Variants in MAPK8IP3 observed in about 807,000 individuals in gnomAD.
MAPK8IP3 encodes mitogen-activated protein kinase 8 interacting protein 3.
Under a neutral mutation model 157.8 loss-of-function variants are expected in MAPK8IP3, and 49 were observed. The observed-to-expected ratio is 0.31, with a 90% CI of 0.25 to 0.39. The LOEUF is 0.39. Ranked by LOEUF, MAPK8IP3 falls within the 10% of genes least tolerant of loss-of-function variation. The pLI is 1.00. For synonymous variants in MAPK8IP3, 897 were observed against 777.7 expected (o/e 1.15, Z -2.55); for missense variants, 1,478 against 1,889.4 (o/e 0.78, Z 4.04).
intron 13 of MAPK8IP3, 53 bp from the exon 14 acceptor site, chr16:1,762,298 G>C: frequency 1.3e-6 from 2 of 1,519,040 alleles, no homozygotes; most frequent in East Asian, 4.9e-5. Context: ...GAGGAAGCAG[G>C]TGTCACCCGG....
chr16:1,768,650 C>A, intron 31 of MAPK8IP3, 24 bp downstream of exon 31: 1 of 1,610,480 alleles, frequency 6.2e-7, no homozygotes. Flanking sequence ...AGGGACAGGG[C>A]TGAGGTTGGG....
At chr16:1,760,636 G>A in intron 12 of MAPK8IP3, 104 bp downstream of exon 12, 1 of 1,393,104 alleles carries the variant, frequency 7.2e-7, no homozygotes, top group Non-Finnish European at 9.6e-7. Flanking sequence ...GCGGCTCTGT[G>A]CATAGCCTAC....
At chr16:1,740,592 G>A in intron 4 of MAPK8IP3, among the ~76,000 whole-genome samples, 1 of 152,182 alleles carries the variant, frequency 6.6e-6, no homozygotes, top group East Asian at 1.9e-4. Context: ...CATCCATGTG[G>A]CGTGTGCGCA....
rs1370092655 is a variant in MAPK8IP3, at chr16:1,747,226, C to T, written c.945C>T (p.Ser315=). 1 of 1,613,866 alleles carries T rather than the reference C, an allele frequency of 6.2e-7. No homozygotes were observed. Among genetic ancestry groups the T allele is most frequent in the Non-Finnish European group, 8.5e-7 (1 of 1,180,024 alleles). Residue 315 remains serine, a synonymous_variant, in exon 6 of 32, where the codon AGC becomes AGT. Transcript: ENST00000610761. The part of the protein sequence containing the change: ...NSKRAREKRD[S]RNMEVQVTQE... ...AGCGTGCCCGGGAGAAGCGCGACAGCCGCAACATGGAAGTACAGGTCACCC... is the reference window on the plus strand; with the variant it reads ...AGCGTGCCCGGGAGAAGCGCGACAGTCGCAACATGGAAGTACAGGTCACCC...
At position 1,768,244 on chromosome 16, in the gene MAPK8IP3, GCAT is replaced by G. The variant is rs748011590; in HGVS notation, c.3613_3615del (p.Ile1205del). 1 of 1,612,386 alleles carries G rather than the reference GCAT, an allele frequency of 6.2e-7. No homozygotes were observed. The highest frequency in any genetic ancestry group is 1.1e-5 in the South Asian group (1 of 91,084). ...TCTGGGGAGGGCGCCCGTCCCGGGG[GCAT>G]CATCCACGTGTATGGCGATGACAGC... On this transcript the variant is annotated inframe_deletion, in exon 30 of 32. Coordinates refer to ENST00000610761, the MANE Select transcript of MAPK8IP3 (RefSeq NM_001318852.2).
intron 8 of MAPK8IP3, among the ~76,000 whole-genome samples, chr16:1,755,065 A>G (rs2041516794): frequency 6.6e-6 from 1 of 152,244 alleles, no homozygotes; most frequent in South Asian, 2.1e-4. Flanking sequence ...AATATCCCAG[A>G]AAATGTGGGG....
chr16:1,735,552 A>ACTGTCCATGT (rs2039652849), intron 4 of MAPK8IP3, among the ~76,000 whole-genome samples: 3 of 126,510 alleles, frequency 2.4e-5, no homozygotes, highest in African/African-American at 9.8e-5. Flanking sequence ...CGTCCGTGTG[A>ACTGTCCATGT]GAGTGTGACC....
chr16:1,725,060 G>C (rs1190821178), intron 2 of MAPK8IP3, among the ~76,000 whole-genome samples: 1 of 152,102 alleles, frequency 6.6e-6, no homozygotes, highest in East Asian at 1.9e-4. Context: ...TGGGCCCGCT[G>C]GTGTAGCCCC....
intron 4 of MAPK8IP3, among the ~76,000 whole-genome samples, chr16:1,738,583 ACCAT>A (rs1238215343): frequency 5.7e-5 from 7 of 122,264 alleles, no homozygotes; most frequent in Admixed American, 9.0e-5. Flanking sequence ...TGTGAGTGTG[ACCAT>A]CCATGTGAGC....
chr16:1,743,379 G>C lies in MAPK8IP3; in HGVS notation c.650G>C (p.Gly217Ala), dbSNP rs1350156474. ...CTGAACGTGTTCCCCCTGGCTGACG[G>C]CACGGTACGTGCACAGATCGGGGGC... ...TSLNVFPLADGTVRAQIGGKL... is the reference protein window; with the variant it reads ...TSLNVFPLADATVRAQIGGKL... Residue 217 changes from glycine (G) to alanine (A), a missense_variant, in exon 5 of 32, where the codon GGC (glycine) becomes GCC (alanine). This residue lies in a region of MAPK8IP3 where 315 missense variants were observed against 394.4 expected (regional missense o/e 0.80). Transcript: ENST00000610761. The surrounding 1 kb of genome is among the most constrained non-coding windows in gnomAD (Gnocchi z 5.6). 5 of 1,577,008 alleles carry C rather than the reference G, an allele frequency of 3.2e-6. No individual in the cohort carries two copies. In the African/African-American group the frequency reaches 6.9e-5, roughly 22 times the overall value.
chr16:1,736,263 AGCGTGT>A, intron 4 of MAPK8IP3, among the ~76,000 whole-genome samples: 1 of 42,788 alleles, frequency 2.3e-5, no homozygotes, highest in African/African-American at 9.7e-5. Flanking sequence ...TGTCCGTGTG[AGCGTGT>A]GACCATCCAT....
intron 10 of MAPK8IP3, 76 bp downstream of exon 10, chr16:1,759,071 T>C (rs922887921): frequency 1.3e-6 from 2 of 1,589,030 alleles, no homozygotes; most frequent in East Asian, 4.5e-5. Context: ...AGCCGTTTGC[T>C]TTGTTCTGCA....
rs2041283900 is a variant in MAPK8IP3, at chr16:1,751,463, A to C, written c.1216+2743A>C. ...GACAGGGAGAGGGACTCTGTCTCAA[A>C]AAAAAAACTGAGGTCAGGGAGGGTG... On this transcript the variant is annotated intron_variant, in intron 8 of 31. Transcript: ENST00000610761. This position sits in a 1 kb window ranked among gnomAD's most constrained non-coding sequence, Gnocchi z 5.0. 1 of 152,068 alleles carries C rather than the reference A, an allele frequency of 6.6e-6. No individual in the cohort carries two copies. Among genetic ancestry groups the C allele is most frequent in the Non-Finnish European group, 1.5e-5 (1 of 68,000 alleles). 9.4% of individuals were successfully genotyped at this position (152,068 alleles called of 1,614,324 possible).
chr16:1,729,749 G>A (rs1383633843), intron 4 of MAPK8IP3, among the ~76,000 whole-genome samples, 171 bp downstream of exon 4: 1 of 152,188 alleles, frequency 6.6e-6, no homozygotes, highest in Admixed American at 6.5e-5. Flanking sequence ...GCGTGGCTGA[G>A]CAGGGATGTG....
intron 30 of MAPK8IP3, 25 bp from the exon 31 acceptor site, chr16:1,768,452 T>C: frequency 6.3e-7 from 1 of 1,584,896 alleles, no homozygotes; most frequent in Non-Finnish European, 8.5e-7. Context: ...GAGGCCGCTG[T>C]CCTGAATCGC....
intron 4 of MAPK8IP3, among the ~76,000 whole-genome samples, chr16:1,737,617 T>A (rs1596646549): frequency 2.6e-5 from 2 of 76,884 alleles, no homozygotes; most frequent in African/African-American, 5.4e-5. Context: ...ACCGTCCGTG[T>A]GTGTGACCAT....
chr16:1,755,944 G>A (rs1275608991), intron 8 of MAPK8IP3, among the ~76,000 whole-genome samples: 3 of 151,100 alleles, frequency 2.0e-5, no homozygotes, highest in African/African-American at 7.3e-5. Flanking sequence ...AAGAAATAAA[G>A]AGAAAATCAA....
At chr16:1,731,980 G>T (rs2039344363) in intron 4 of MAPK8IP3, among the ~76,000 whole-genome samples, 1 of 152,180 alleles carries the variant, frequency 6.6e-6, no homozygotes, top group South Asian at 2.1e-4. Flanking sequence ...TTTCCTCAGA[G>T]AGTCGGGGGA....
chr16:1,726,041 C>T lies in MAPK8IP3; in HGVS notation c.439+1364C>T, dbSNP rs566890959. 4.6e-5 allele frequency among the ~76,000 whole-genome samples: 7 copies of T among 152,334 alleles called. No individual in the cohort carries two copies. The South Asian group carries it at 8.3e-4, about 18-fold the overall frequency. The stretch of plus-strand genomic sequence containing the variant: ...GCGGTTTCCCTAGCTACCTCAACAG[C>T]AGGTTCCTTTATCTCTAAAAAGTTA... On this transcript the variant is annotated intron_variant, in intron 2 of 31. Coordinates refer to ENST00000610761, the MANE Select transcript of MAPK8IP3 (RefSeq NM_001318852.2).
Sources: allele counts gnomAD v4.1 joint callset (sites outside exome capture counted in the v4.1 genomes callset), GRCh38; gene constraint gnomAD v4.1.1; regional missense constraint gnomAD v4.1.1; non-coding constraint Gnocchi (gnomAD v3.1); transcripts MANE v1.5; gene names NCBI Gene and HGNC (gene_info 2026-07-23, HGNC 2026-07-21).